The following ELL variants were observed in gnomAD, a reference collection of about 807,000 sequenced individuals.
ELL encodes elongation factor for RNA polymerase II, also known as RNA polymerase II elongation factor ELL.
Under a neutral mutation model 64.0 loss-of-function variants are expected in ELL, and 18 were observed. The ratio of observed to expected loss-of-function variants is 0.28; its 90% CI spans 0.19 to 0.42. ELL has a LOEUF of 0.42. Among genes scored for constraint, ELL ranks in the 10% least tolerant of loss-of-function variants. ELL has a pLI of 1.00. For missense variants in ELL, 797 were observed against 870.4 expected (o/e 0.92, Z 1.06); for synonymous variants, 399 against 376.2 (o/e 1.06, Z -0.70).
intron 10 of ELL, among the ~76,000 whole-genome samples, chr19:18,445,687 C>T (rs1029002862): frequency 2.0e-5 from 3 of 152,126 alleles, no homozygotes; most frequent in Non-Finnish European, 4.4e-5. Flanking sequence ...GGAGAGACCC[C>T]GGCATCTGAT....
At position 18,461,736 on chromosome 19, in the gene ELL, C is replaced by G; in HGVS notation, c.586G>C (p.Val196Leu). ...TGGGACACCCCGCTGCCCCCACTCA[C>G]GGCACTGGCACCACTCTTCCTGATG... is the stretch of plus-strand genomic sequence containing the variant. ...SAIRKSGASA[V>L]SGGSGVSQRP... is the part of the protein sequence containing the mutation. Residue 196 changes from valine (V) to leucine (L), a missense_variant, in exon 5 of 12, where the codon GTG (valine) becomes CTG (leucine). Coordinates refer to ENST00000262809, the MANE Select transcript of ELL (RefSeq NM_006532.4). 6.2e-7 allele frequency: 1 copy of G among 1,613,938 alleles called. No individual in the cohort carries two copies. Among genetic ancestry groups the G allele is most frequent in the Non-Finnish European group, 8.5e-7 (1 of 1,180,020 alleles).
chr19:18,469,104 A>AG (rs909946196), intron 2 of ELL, among the ~76,000 whole-genome samples: 6 of 152,116 alleles, frequency 3.9e-5, no homozygotes, highest in African/African-American at 1.4e-4. Flanking sequence ...GGCTGCATGA[A>AG]GGGGGGTGAC....
chr19:18,450,104 A>C (rs566486454), intron 8 of ELL, among the ~76,000 whole-genome samples: 2 of 152,224 alleles, frequency 1.3e-5, no homozygotes, highest in Non-Finnish European at 2.9e-5. Flanking sequence ...ACCCCAGCAG[A>C]CCTCAGCATG....
intron 1 of ELL, among the ~76,000 whole-genome samples, chr19:18,479,708 CAAAAAAA>C (rs60371809): frequency 4.4e-4 from 32 of 72,820 alleles, no homozygotes; most frequent in African/African-American, 1.7e-3. Context: ...GACTCCATCT[CAAAAAAA>C]AAAAAAAAAA....
chr19:18,450,100 G>A (rs1042383278), intron 8 of ELL, among the ~76,000 whole-genome samples: 1 of 152,166 alleles, frequency 6.6e-6, no homozygotes, highest in African/African-American at 2.4e-5. Flanking sequence ...CTGAACCCCA[G>A]CAGACCTCAG....
At chr19:18,508,348 T>C (rs1018169144) in intron 1 of ELL, among the ~76,000 whole-genome samples, 1 of 152,124 alleles carries the variant, frequency 6.6e-6, no homozygotes, top group Non-Finnish European at 1.5e-5. Context: ...TAAAATACAA[T>C]ACAAGAGTCA....
intron 1 of ELL, among the ~76,000 whole-genome samples, chr19:18,499,551 C>T (rs1405767393): frequency 6.6e-6 from 1 of 152,224 alleles, no homozygotes; most frequent in Non-Finnish European, 1.5e-5. Flanking sequence ...CCCCTGTAGA[C>T]TTCCCAGGGT....
chr19:18,474,991 G>A (rs1353921913), intron 1 of ELL, among the ~76,000 whole-genome samples: 1 of 152,206 alleles, frequency 6.6e-6, no homozygotes, highest in African/African-American at 2.4e-5. Context: ...GGGCGTGGCA[G>A]TGGGCACCTG....
intron 6 of ELL, among the ~76,000 whole-genome samples, chr19:18,452,254 G>A (rs1974556268): frequency 6.6e-6 from 1 of 152,126 alleles, no homozygotes; most frequent in South Asian, 2.1e-4. Context: ...ATTCCCGGGG[G>A]CTGTGCCATC....
In ELL at chr19:18,520,923, A is replaced by G. The variant is rs1401191903; in HGVS notation, c.135+998T>C. Among the ~76,000 whole-genome samples the G allele has an allele frequency of 2.0e-5, 3 of 151,438 alleles. No individual in the cohort carries two copies. In the East Asian group the frequency reaches 5.8e-4, roughly 29 times the overall value. ...CTTCTGACCCAGCACAGACGGGGGGAGGGGGGGCCATGACACAAACAGAAA... is the reference window on the plus strand; with the variant it reads ...CTTCTGACCCAGCACAGACGGGGGGGGGGGGGGCCATGACACAAACAGAAA... On this transcript the variant is annotated intron_variant, in intron 1 of 11. Coordinates refer to ENST00000262809, the MANE Select transcript of ELL (RefSeq NM_006532.4).
intron 2 of ELL, 120 bp downstream of exon 2, chr19:18,472,715 T>C (rs1344178489): frequency 1.6e-6 from 2 of 1,249,950 alleles, no homozygotes; most frequent in South Asian, 1.4e-5. Flanking sequence ...CAGCCTTGCA[T>C]GGTGGCAGAC....
intron 1 of ELL, among the ~76,000 whole-genome samples, chr19:18,495,989 C>G (rs977908003): frequency 6.6e-6 from 1 of 152,206 alleles, no homozygotes; most frequent in Non-Finnish European, 1.5e-5. Flanking sequence ...CTGCTCCACA[C>G]AGTGGGCGTT....
At chr19:18,521,439 C>T (rs553718729) in intron 1 of ELL, among the ~76,000 whole-genome samples, 2 of 152,254 alleles carry the variant, frequency 1.3e-5, no homozygotes, top group African/African-American at 4.8e-5. Flanking sequence ...CTGCCGGGCA[C>T]CCAGACGATC....
chr19:18,475,370 G>A (rs1030930473), intron 1 of ELL, among the ~76,000 whole-genome samples: 17 of 152,188 alleles, frequency 1.1e-4, no homozygotes, highest in Admixed American at 8.5e-4. Flanking sequence ...GCAAGTGTTG[G>A]CGAGGACCCA....
At chr19:18,480,356 C>T (rs1246562851) in intron 1 of ELL, among the ~76,000 whole-genome samples, 1 of 152,250 alleles carries the variant, frequency 6.6e-6, no homozygotes, top group East Asian at 1.9e-4. Context: ...TCTCCGTGAA[C>T]TACAAAACAA....
intron 1 of ELL, among the ~76,000 whole-genome samples, chr19:18,486,254 A>C (rs1190071477): frequency 6.6e-6 from 1 of 152,188 alleles, no homozygotes; most frequent in Non-Finnish European, 1.5e-5. Context: ...AAGGGCGGTC[A>C]GTGTCAGGCA....
intron 5 of ELL, among the ~76,000 whole-genome samples, chr19:18,459,143 T>C (rs139363633): frequency 2.1e-4 from 32 of 152,260 alleles, no homozygotes; most frequent in African/African-American, 7.7e-4. Flanking sequence ...CCTCCCAAAG[T>C]GCTGGAAACA....
intron 1 of ELL, among the ~76,000 whole-genome samples, chr19:18,510,994 G>C (rs183877482): frequency 1.3e-5 from 2 of 152,162 alleles, no homozygotes; most frequent in African/African-American, 4.8e-5. Context: ...TGGGCCGGGT[G>C]CGGTGGCTCA....
At chr19:18,459,676 C>T (rs540433073) in intron 5 of ELL, among the ~76,000 whole-genome samples, 8 of 151,710 alleles carry the variant, frequency 5.3e-5, no homozygotes, top group Non-Finnish European at 1.0e-4. Context: ...CCCGCCACCA[C>T]GCCCGGCTAA....
Sources: gnomAD v4.1 joint callset for allele counts (sites outside exome capture counted in the v4.1 genomes callset) on GRCh38, gnomAD v4.1.1 for gene constraint, MANE v1.5 for transcripts, NCBI Gene and HGNC (gene_info 2026-07-23, HGNC 2026-07-21) for gene names.